NRG3: variants seen among roughly 807,000 people sequenced by gnomAD.
NRG3 encodes pro-neuregulin-3, membrane-bound isoform.
In NRG3, 31 loss-of-function variants were observed where a neutral mutation model predicts 66.9. The ratio of observed to expected loss-of-function variants is 0.46; its 90% CI spans 0.35 to 0.63. The LOEUF is 0.63. Ranked by LOEUF, NRG3 falls within the 20% of genes least tolerant of loss-of-function variation. The probability of loss-of-function intolerance (pLI) is 0.00; values close to 1 mark genes in which losing one functional copy is unlikely to be tolerated. For missense variants in NRG3, 910 were observed against 878.9 expected (o/e 1.04, Z -0.45); for synonymous variants, 393 against 359.4 (o/e 1.09, Z -1.06).
At chr10:81,968,586 A>G (rs899560355) in intron 1 of NRG3, among the ~76,000 whole-genome samples, 1 of 152,130 alleles carries the variant, frequency 6.6e-6, no homozygotes, top group African/African-American at 2.4e-5. Context: ...GGCATTTTGG[A>G]TCTTTACGTA....
chr10:82,800,567 C>T (rs1246654938), intron 3 of NRG3, among the ~76,000 whole-genome samples: 5 of 152,082 alleles, frequency 3.3e-5, no homozygotes. Flanking sequence ...TATTGCCTAG[C>T]ATTTAGTAGG....
At chr10:82,345,787 G>A (rs1170944593) in intron 1 of NRG3, among the ~76,000 whole-genome samples, 3 of 151,798 alleles carry the variant, frequency 2.0e-5, no homozygotes, top group Non-Finnish European at 4.4e-5. Flanking sequence ...CACATCCCTT[G>A]TAAGTTGGAT....
intron 1 of NRG3, among the ~76,000 whole-genome samples, chr10:82,065,031 A>G (rs1383281066): frequency 6.6e-6 from 1 of 152,202 alleles, no homozygotes; most frequent in Non-Finnish European, 1.5e-5. Context: ...GCAGTATCAG[A>G]GACAAATTAA....
At chr10:82,457,331 G>A (rs569141860) in intron 2 of NRG3, among the ~76,000 whole-genome samples, 102 of 152,108 alleles carry the variant, frequency 6.7e-4, no homozygotes, top group Non-Finnish European at 1.2e-3. Context: ...AAATCATCAG[G>A]TATTAGATTC....
chr10:82,110,971 A>G (rs572853263), intron 1 of NRG3, among the ~76,000 whole-genome samples: 27 of 152,202 alleles, frequency 1.8e-4, no homozygotes, highest in African/African-American at 6.5e-4. Flanking sequence ...GCTAACAAAG[A>G]TGTTACCAAA....
At chr10:82,251,332 A>G (rs1486556647) in intron 1 of NRG3, among the ~76,000 whole-genome samples, 2 of 152,038 alleles carry the variant, frequency 1.3e-5, no homozygotes, top group South Asian at 4.1e-4. Context: ...AAGAGCATGG[A>G]TCTTGCTTCC....
chr10:82,897,362 G>A lies in NRG3; in HGVS notation c.1054+31925G>A, dbSNP rs146192541. ...AGATGGTTAAATGTCCAGATGAAAG[G>A]TAAAATACATTGTTCCATCACTGAA... On this transcript the variant is annotated intron_variant, in intron 4 of 8. Transcript: ENST00000372141. 7.9e-5 allele frequency among the ~76,000 whole-genome samples: 12 copies of A among 152,228 alleles called. No homozygotes were observed. The East Asian group carries it at 2.3e-3, about 29-fold the overall frequency.
intron 2 of NRG3, among the ~76,000 whole-genome samples, chr10:82,479,885 G>T (rs1240972293): frequency 6.6e-6 from 1 of 151,974 alleles, no homozygotes; most frequent in African/African-American, 2.4e-5. Context: ...GGAGAATGGC[G>T]TGAACCTGGA....
At chr10:82,802,654 T>G (rs1228078154) in intron 3 of NRG3, among the ~76,000 whole-genome samples, 1 of 151,720 alleles carries the variant, frequency 6.6e-6, no homozygotes, top group Non-Finnish European at 1.5e-5. Flanking sequence ...TTTATTTTTA[T>G]TTTTTTTAAA....
intron 1 of NRG3, among the ~76,000 whole-genome samples, chr10:82,147,968 A>G (rs1649967): frequency 0.52 from 79,256 of 152,002 alleles, 22,737 homozygotes; most frequent in Non-Finnish European, 0.66. Flanking sequence ...AGCGTTTTAA[A>G]AGAAGTTTCA....
intron 2 of NRG3, among the ~76,000 whole-genome samples, chr10:82,458,842 G>A (rs1350873075): frequency 6.6e-6 from 1 of 152,204 alleles, no homozygotes; most frequent in Non-Finnish European, 1.5e-5. Flanking sequence ...AGGCTCACCT[G>A]AGGTAGCATT....
At chr10:81,979,785 G>A (rs1009232727) in intron 1 of NRG3, among the ~76,000 whole-genome samples, 6 of 152,142 alleles carry the variant, frequency 3.9e-5, no homozygotes, top group Admixed American at 1.3e-4. Context: ...ATTCAAGACC[G>A]CTCTAATGGG....
chr10:82,357,636 T>G (rs2135573574), intron 1 of NRG3, among the ~76,000 whole-genome samples: 1 of 152,236 alleles, frequency 6.6e-6, no homozygotes. Flanking sequence ...CTTCTTTCTC[T>G]TCTTGAACAG....
chr10:82,268,473 AT>A (rs1405871663), intron 1 of NRG3, among the ~76,000 whole-genome samples: 1 of 152,134 alleles, frequency 6.6e-6, no homozygotes, highest in Non-Finnish European at 1.5e-5. Context: ...ACATCCCACC[AT>A]TCTGAAATAT....
At chr10:82,592,840 CAG>C (rs1005692983) in intron 2 of NRG3, among the ~76,000 whole-genome samples, 1 of 152,190 alleles carries the variant, frequency 6.6e-6, no homozygotes, top group Non-Finnish European at 1.5e-5. Flanking sequence ...TCAGCTGGGA[CAG>C]GGGTTTAAAC....
chr10:82,236,755 G>A (rs926447043), intron 1 of NRG3, among the ~76,000 whole-genome samples: 9 of 111,904 alleles, frequency 8.0e-5, no homozygotes, highest in Admixed American at 2.8e-4. Context: ...TCGCTCTGTT[G>A]CCCAGGCTGG....
intron 1 of NRG3, among the ~76,000 whole-genome samples, chr10:82,348,177 T>C (rs2083162939): frequency 6.6e-6 from 1 of 152,128 alleles, no homozygotes; most frequent in Admixed American, 6.5e-5. Flanking sequence ...GGTCTTTACA[T>C]TTTGGCATGA....
At chr10:82,599,614 G>A (rs1412814141) in intron 2 of NRG3, among the ~76,000 whole-genome samples, 1 of 152,106 alleles carries the variant, frequency 6.6e-6, no homozygotes, top group Non-Finnish European at 1.5e-5. Flanking sequence ...AGGAGTTTGA[G>A]ACCAACCTAG....
chr10:82,564,526 T>C (rs1401730828), intron 2 of NRG3, among the ~76,000 whole-genome samples: 2 of 152,162 alleles, frequency 1.3e-5, no homozygotes, highest in Admixed American at 1.3e-4. Context: ...TCCTCCTCTC[T>C]GATATGTGGT....
Sources: gnomAD v4.1 joint callset for allele counts (sites outside exome capture counted in the v4.1 genomes callset) on GRCh38, gnomAD v4.1.1 for gene constraint, MANE v1.5 for transcripts, NCBI Gene and HGNC (gene_info 2026-07-23, HGNC 2026-07-21) for gene names.